EDEM1: variants seen among roughly 807,000 people sequenced by gnomAD.
The protein encoded by EDEM1 is ER degradation enhancing alpha-mannosidase like protein 1.
EDEM1 carries 67 observed loss-of-function variants against 74.4 expected under a neutral mutation model. That is an observed-to-expected ratio of 0.90 (90% CI 0.74 to 1.10). EDEM1 has a LOEUF of 1.10. EDEM1 is among the 50% of genes least tolerant of loss of function. The pLI, the probability that EDEM1 is intolerant of heterozygous loss-of-function variation, is 0.00. For synonymous variants in EDEM1, 382 were observed against 335.9 expected (o/e 1.14, Z -1.50); for missense variants, 926 against 851.6 (o/e 1.09, Z -1.09).
At chr3:5,214,317 C>T (rs984590155) in intron 11 of EDEM1, among the ~76,000 whole-genome samples, 2 of 152,306 alleles carry the variant, frequency 1.3e-5, no homozygotes, top group Non-Finnish European at 1.5e-5. Flanking sequence ...GCAGCCTCCC[C>T]ACAGATGGGT....
chr3:5,194,720 A>G (rs1310545614), intron 1 of EDEM1, among the ~76,000 whole-genome samples: 4 of 152,212 alleles, frequency 2.6e-5, no homozygotes, highest in African/African-American at 7.2e-5. Flanking sequence ...ACCCCCAACC[A>G]TAGGGCAGAT....
chr3:5,187,936 A>T lies in EDEM1; in HGVS notation c.131A>T (p.Gln44Leu). ...CGCTTTCCGCTCAGCTTCGGCTTCCAGCGTCTGAGGAGCCCCGACGGCCCC... is the reference window on the plus strand; with the variant it reads ...CGCTTTCCGCTCAGCTTCGGCTTCCTGCGTCTGAGGAGCCCCGACGGCCCC... ...YQRFPLSFGF[Q>L]RLRSPDGPAS... Residue 44 changes from glutamine to leucine, a missense_variant, in exon 1 of 12, where the codon CAG becomes CTG. By Grantham distance (113) the Gln-to-Leu change is moderately radical. Coordinates refer to ENST00000256497, the MANE Select transcript of EDEM1 (RefSeq NM_014674.3). 4.4e-6 allele frequency: 7 copies of T among 1,586,138 alleles called. No homozygotes were observed. Among genetic ancestry groups the T allele is most frequent in the Non-Finnish European group, 5.1e-6 (6 of 1,169,622 alleles).
At chr3:5,189,855 TC>T (rs1454001011) in intron 1 of EDEM1, among the ~76,000 whole-genome samples, 11 of 152,380 alleles carry the variant, frequency 7.2e-5, no homozygotes, top group African/African-American at 2.4e-4. Flanking sequence ...CGCCTGGGCC[TC>T]CCAAAGTGCT....
intron 2 of EDEM1, among the ~76,000 whole-genome samples, chr3:5,198,740 C>T (rs775079264): frequency 6.3e-5 from 9 of 141,876 alleles, no homozygotes; most frequent in Non-Finnish European, 1.0e-4. Context: ...TTGCCTGATG[C>T]AGTTCCTAGC....
chr3:5,189,343 C>G (rs1177912136), intron 1 of EDEM1: 1 of 152,172 alleles, frequency 6.6e-6, no homozygotes, highest in East Asian at 1.9e-4. Context: ...AGCCTATAGA[C>G]TAAACGGAGT....
chr3:5,202,885 A>T, intron 4 of EDEM1, 81 bp from the exon 5 acceptor site: 1 of 1,292,900 alleles, frequency 7.7e-7, no homozygotes, highest in Non-Finnish European at 1.1e-6. Context: ...TTATTAGCTG[A>T]GTGTAGTCTC....
rs1342620281 is a variant in EDEM1 at position 5,216,620 on chromosome 3, G to GCCTCAAGTAATCTTTA, written c.*704_*719dup. 2 of 152,594 alleles carry GCCTCAAGTAATCTTTA rather than the reference G, an allele frequency of 1.3e-5. No individual in the cohort carries two copies. Among genetic ancestry groups the GCCTCAAGTAATCTTTA allele is most frequent in the African/African-American group, 4.8e-5 (2 of 41,444 alleles). 9.5% of individuals were successfully genotyped at this position (152,594 alleles called of 1,614,324 possible). Reference sequence around the variant, plus strand: ...AAAAGTCATCCAGTTTTTCATGTTTGCCTCAAGTAATCTTTACAGTGTTAC... The same window carrying GCCTCAAGTAATCTTTA: ...AAAAGTCATCCAGTTTTTCATGTTTGCCTCAAGTAATCTTTACCTCAAGTAATCTTTACAGTGTTAC... On this transcript the variant is annotated 3_prime_UTR_variant, in exon 12 of 12. Coordinates refer to ENST00000256497, the MANE Select transcript of EDEM1 (RefSeq NM_014674.3).
At position 5,205,062 on chromosome 3, in the gene EDEM1, T is replaced by C; in HGVS notation, c.1043-5T>C. ...GGACCTCAAGTGCCTTGTTTATTTT[T>C]GCAGGCAATGTCGTGAACATTCAGA... is the stretch of plus-strand genomic sequence containing the variant. On this transcript the variant is annotated splice_region_variant and splice_polypyrimidine_tract_variant and intron_variant, in intron 5 of 11. Coordinates refer to ENST00000256497, the MANE Select transcript of EDEM1 (RefSeq NM_014674.3). 6.2e-7 allele frequency: 1 copy of C among 1,613,116 alleles called. No homozygotes were observed. Among genetic ancestry groups the C allele is most frequent in the Admixed American group, 1.7e-5 (1 of 59,790 alleles).
Position 5,202,969 on chromosome 3 carries a change from A to G in EDEM1, c.862A>G (p.Asn288Asp). ...TKTGIPYPRV[N>D]LKTGVPPDTN... Reference sequence around the variant, plus strand: ...CTTTGTCTGTTCCCATCCCCAGGTGAATCTAAAGACAGGAGTTCCTCCTGA... The same window carrying G: ...CTTTGTCTGTTCCCATCCCCAGGTGGATCTAAAGACAGGAGTTCCTCCTGA... The change falls in exon 5 of 12, where the codon AAT (asparagine) becomes GAT (aspartate). Residue 288 changes from asparagine to aspartate, a missense_variant. Transcript: ENST00000256497. 1 of 1,613,158 alleles carries G rather than the reference A, an allele frequency of 6.2e-7. No homozygotes were observed.
chr3:5,193,836 G>A (rs1204720266), intron 1 of EDEM1, among the ~76,000 whole-genome samples: 1 of 152,162 alleles, frequency 6.6e-6, no homozygotes, highest in East Asian at 1.9e-4. Flanking sequence ...GACCTTGGAT[G>A]ATCCACCCAC....
intron 1 of EDEM1, chr3:5,188,526 C>G (rs1353471705): frequency 4.6e-6 from 2 of 435,072 alleles, no homozygotes; most frequent in Non-Finnish European, 7.7e-6. Flanking sequence ...TCTCCTGATT[C>G]TCCCGGAATC....
In EDEM1 at chr3:5,188,187, G is replaced by A. The variant is rs985689338; in HGVS notation, c.382G>A (p.Ala128Thr). 1 of 1,572,068 alleles carries A rather than the reference G, an allele frequency of 6.4e-7. No individual in the cohort carries two copies. The highest frequency in any genetic ancestry group is 1.8e-5 in the Admixed American group (1 of 54,614). The change falls in exon 1 of 12, where the codon GCC (alanine) becomes ACC (threonine). Residue 128 changes from alanine (A) to threonine (T), a missense_variant. Physicochemically the swap from Ala to Thr is moderately conservative, Grantham distance 58 (BLOSUM62 0). Coordinates refer to ENST00000256497, the MANE Select transcript of EDEM1 (RefSeq NM_014674.3). ...YSGAFPPQLR[A>T]QMRDLARGMF... Reference sequence around the variant, plus strand: ...CGGCGCCTTCCCTCCGCAGCTGCGTGCCCAGATGCGCGACCTGGCACGGGG... The same window carrying A: ...CGGCGCCTTCCCTCCGCAGCTGCGTACCCAGATGCGCGACCTGGCACGGGG...
chr3:5,212,756 TG>T (rs1317999054), intron 10 of EDEM1, among the ~76,000 whole-genome samples: 4 of 152,244 alleles, frequency 2.6e-5, no homozygotes, highest in Non-Finnish European at 4.4e-5. Context: ...TTTCGTTCCG[TG>T]TCACATGCAC....
Position 5,215,825 on chromosome 3 carries a change from C to A in EDEM1, c.1885-4C>A, listed in dbSNP as rs556907666. ...TTAATTTTCCCTCGTTTTTGTCTTT[C>A]TAGTGCAATCGTGTACCTGATGAGA... is the stretch of plus-strand genomic sequence containing the variant. On this transcript the variant is annotated splice_region_variant and splice_polypyrimidine_tract_variant and intron_variant, in intron 11 of 11. Transcript: ENST00000256497. The A allele has an allele frequency of 6.2e-7, 1 of 1,612,726 alleles. No individual in the cohort carries two copies. The highest frequency in any genetic ancestry group is 2.2e-5 in the East Asian group (1 of 44,864).
chr3:5,193,601 T>A (rs1190910951), intron 1 of EDEM1, among the ~76,000 whole-genome samples: 2 of 142,142 alleles, frequency 1.4e-5, no homozygotes, highest in Non-Finnish European at 3.1e-5. Flanking sequence ...GTATCTAAAA[T>A]TTTTTTTTTT....
chr3:5,202,171 G>A lies in EDEM1; in HGVS notation c.858+247G>A, dbSNP rs537308798. 1.7e-3 allele frequency among the ~76,000 whole-genome samples: 262 copies of A among 152,336 alleles called. 2 individuals carry two copies. The highest frequency in any genetic ancestry group is 6.0e-3 in the African/African-American group (251 of 41,574). ...ACTTATTCCTTCCCCTTAAAGAGTA[G>A]ATGTTCTGTGAAGTTCAGTATTCTT... On this transcript the variant is annotated intron_variant, in intron 4 of 11. Transcript: ENST00000256497.
At chr3:5,194,348 C>T (rs1187718309) in intron 1 of EDEM1, among the ~76,000 whole-genome samples, 1 of 152,118 alleles carries the variant, frequency 6.6e-6, no homozygotes, top group Non-Finnish European at 1.5e-5. Context: ...AATGAAGTCC[C>T]CAGAATTTCT....
At chr3:5,197,500 T>G (rs921054766) in intron 2 of EDEM1, among the ~76,000 whole-genome samples, 5 of 152,242 alleles carry the variant, frequency 3.3e-5, no homozygotes, top group African/African-American at 1.2e-4. Context: ...TAAGAGCTGT[T>G]GACTTCCTTC....
intron 10 of EDEM1, among the ~76,000 whole-genome samples, chr3:5,212,163 A>AT (rs1559300520): frequency 6.6e-6 from 1 of 152,184 alleles, no homozygotes; most frequent in Non-Finnish European, 1.5e-5. Context: ...GAAATCTGTC[A>AT]TTTTGACAAG....
Sources: gnomAD v4.1 joint callset for allele counts (sites outside exome capture counted in the v4.1 genomes callset) on GRCh38, gnomAD v4.1.1 for gene constraint, MANE v1.5 for transcripts, NCBI Gene and HGNC (gene_info 2026-07-23, HGNC 2026-07-21) for gene names.